Variants in SPATA17 observed in about 807,000 individuals in gnomAD.
SPATA17 encodes the protein spermatogenesis-associated protein 17.
In SPATA17, 53 loss-of-function variants were observed where a neutral mutation model predicts 62.2. The observed-to-expected ratio is 0.85, with a 90% confidence interval of 0.68 to 1.07. The LOEUF (loss-of-function observed/expected upper bound fraction) is 1.07. Among genes scored for constraint, SPATA17 ranks in the 50% least tolerant of loss-of-function variants. The pLI is 0.00. For missense variants in SPATA17, 466 were observed against 425.5 expected (o/e 1.10, Z -0.84); for synonymous variants, 146 against 146.8 (o/e 0.99, Z 0.04).
intron 6 of SPATA17, among the ~76,000 whole-genome samples, chr1:217,765,938 AC>A (rs1184128344): frequency 7.2e-5 from 11 of 151,892 alleles, no homozygotes; most frequent in South Asian, 4.2e-4. Context: ...AATTTTCCTT[AC>A]TTTTAAGTCT....
intron 9 of SPATA17, among the ~76,000 whole-genome samples, chr1:217,820,772 AAAT>A (rs1276427164): frequency 1.3e-5 from 2 of 152,048 alleles, no homozygotes; most frequent in African/African-American, 2.4e-5. Flanking sequence ...TTTGGTTCAT[AAAT>A]AATAATTGAA....
chr1:217,871,243 G>A lies in SPATA17; in HGVS notation c.*4224G>A, dbSNP rs1676122487. On this transcript the variant is annotated 3_prime_UTR_variant, in exon 11 of 11. Transcript: ENST00000366933. Reference sequence around the variant, plus strand: ...TTGTTGTGGTTGTCAACTCAAGATTGTATTCTCATCTGGGGACATTATGAA... The same window carrying A: ...TTGTTGTGGTTGTCAACTCAAGATTATATTCTCATCTGGGGACATTATGAA... 6.6e-6 allele frequency: 1 copy of A among 152,114 alleles called. No individual in the cohort carries two copies. The highest frequency in any genetic ancestry group is 6.5e-5 in the Admixed American group (1 of 15,270). The allele number at this position is 152,114 out of a possible 1,614,324, so 9.4% of individuals were successfully genotyped here.
intron 9 of SPATA17, among the ~76,000 whole-genome samples, chr1:217,821,454 T>C (rs942006988): frequency 2.0e-5 from 3 of 152,112 alleles, no homozygotes; most frequent in Admixed American, 2.0e-4. Context: ...TAAATGGTGC[T>C]GTGAAGTCAA....
intron 4 of SPATA17, among the ~76,000 whole-genome samples, chr1:217,681,085 G>T (rs1017506012): frequency 6.6e-6 from 1 of 151,452 alleles, no homozygotes; most frequent in Non-Finnish European, 1.5e-5. Context: ...AAATTATCTG[G>T]CTGTGGTGGC....
At chr1:217,848,569 T>A (rs1487209670) in intron 9 of SPATA17, among the ~76,000 whole-genome samples, 1 of 152,164 alleles carries the variant, frequency 6.6e-6, no homozygotes, top group Non-Finnish European at 1.5e-5. Flanking sequence ...TTTCTTCACA[T>A]CTCTTGTCGA....
intron 9 of SPATA17, among the ~76,000 whole-genome samples, chr1:217,831,116 T>C (rs996854528): frequency 3.9e-5 from 6 of 152,088 alleles, no homozygotes; most frequent in African/African-American, 1.2e-4. Context: ...AGTTAGAAAA[T>C]GTAGTCCTTT....
intron 3 of SPATA17, among the ~76,000 whole-genome samples, chr1:217,667,377 T>A (rs1425150323): frequency 6.6e-6 from 1 of 152,158 alleles, no homozygotes; most frequent in Non-Finnish European, 1.5e-5. Flanking sequence ...AATTACATAC[T>A]TTTAACTACA....
Position 217,638,305 on chromosome 1 carries a change from T to C in SPATA17, c.68+6859T>C, listed in dbSNP as rs993429488. 3.0e-5 allele frequency among the ~76,000 whole-genome samples: 4 copies of C among 133,558 alleles called. No homozygotes were observed. In the South Asian group the frequency reaches 6.9e-4, roughly 23 times the overall value. The allele number at this position is 133,558 out of a possible 152,430, so 87.6% of individuals were successfully genotyped here. On this transcript the variant is annotated intron_variant, in intron 1 of 10. Coordinates refer to ENST00000366933, the MANE Select transcript of SPATA17 (RefSeq NM_138796.4). ...CAGTGTTTGTTTTAAAATATGTTTA[T>C]GAAAGAAATAAGTGTTTTAATAATA...
chr1:217,703,167 G>A (rs999013358), intron 5 of SPATA17, among the ~76,000 whole-genome samples: 6 of 108,434 alleles, frequency 5.5e-5, no homozygotes, highest in South Asian at 2.7e-4. Flanking sequence ...GAGCCATTGC[G>A]CTCGGCCTTT....
intron 6 of SPATA17, among the ~76,000 whole-genome samples, chr1:217,747,986 T>C (rs1197228224): frequency 6.6e-6 from 1 of 152,190 alleles, no homozygotes; most frequent in African/African-American, 2.4e-5. Context: ...CATATTTGTA[T>C]AGAGAAAGAC....
chr1:217,783,765 G>C (rs1327528162), intron 8 of SPATA17, among the ~76,000 whole-genome samples: 3 of 151,946 alleles, frequency 2.0e-5, no homozygotes, highest in Non-Finnish European at 2.9e-5. Flanking sequence ...AACATACTGT[G>C]ATATCATTTC....
intron 9 of SPATA17, among the ~76,000 whole-genome samples, chr1:217,826,961 G>A (rs943206069): frequency 6.6e-5 from 10 of 152,044 alleles, no homozygotes; most frequent in South Asian, 2.1e-4. Context: ...AACAGCATAC[G>A]CTTTAGCTTT....
intron 9 of SPATA17, among the ~76,000 whole-genome samples, chr1:217,843,025 C>T (rs1675445639): frequency 6.6e-6 from 1 of 151,356 alleles, no homozygotes; most frequent in African/African-American, 2.4e-5. Flanking sequence ...TTGGAGATTT[C>T]CCAGTTATAT....
At chr1:217,830,738 T>A (rs1200229117) in intron 9 of SPATA17, among the ~76,000 whole-genome samples, 2 of 152,146 alleles carry the variant, frequency 1.3e-5, no homozygotes, top group Non-Finnish European at 2.9e-5. Context: ...GTCATATAAA[T>A]GCCAGATTGA....
intron 9 of SPATA17, among the ~76,000 whole-genome samples, chr1:217,844,862 G>T (rs768683520): frequency 1.3e-5 from 2 of 152,040 alleles, no homozygotes; most frequent in Admixed American, 6.6e-5. Context: ...TTAAATATCT[G>T]AGATCAGACT....
intron 6 of SPATA17, among the ~76,000 whole-genome samples, chr1:217,757,137 A>AT (rs1673064464): frequency 1.3e-5 from 2 of 152,356 alleles, no homozygotes; most frequent in South Asian, 4.1e-4. Context: ...AAGTGCTGTT[A>AT]TGGAATAATC....
chr1:217,740,140 T>C (rs1473825602), intron 5 of SPATA17, among the ~76,000 whole-genome samples: 2 of 151,446 alleles, frequency 1.3e-5, no homozygotes, highest in Non-Finnish European at 2.9e-5. Flanking sequence ...CCCGTTCATA[T>C]ATGTTTTCAA....
chr1:217,870,333 A>G lies in SPATA17; in HGVS notation c.*3314A>G, dbSNP rs1460586540. 1.3e-5 allele frequency: 2 copies of G among 152,144 alleles called. No individual in the cohort carries two copies. The highest frequency in any genetic ancestry group is 2.9e-5 in the Non-Finnish European group (2 of 68,030). The allele number at this position is 152,144 out of a possible 1,614,324, so 9.4% of individuals were successfully genotyped here. A position where few individuals can be genotyped will look rare whatever the true frequency, so the allele number is the denominator to read the frequency against. On this transcript the variant is annotated 3_prime_UTR_variant, in exon 11 of 11. Transcript: ENST00000366933. ...TGAATGCTTAAGGCTCTTTATCGCT[A>G]GTGTATGTAAGTAATATCATTGTCC... is the stretch of plus-strand genomic sequence containing the variant.
intron 5 of SPATA17, among the ~76,000 whole-genome samples, chr1:217,701,331 GTA>G (rs1209670957): frequency 2.7e-5 from 4 of 150,906 alleles, no homozygotes; most frequent in East Asian, 1.9e-4. Flanking sequence ...ATATATGTGT[GTA>G]TATATGTGTG....
Sources: allele counts gnomAD v4.1 joint callset (sites outside exome capture counted in the v4.1 genomes callset), GRCh38; gene constraint gnomAD v4.1.1; transcripts MANE v1.5; gene names NCBI Gene and HGNC (gene_info 2026-07-23, HGNC 2026-07-21).